Variants in CCSER1 observed in about 807,000 individuals in gnomAD.
The protein encoded by CCSER1 is serine-rich coiled-coil domain-containing protein 1.
Under a neutral mutation model 82.0 loss-of-function variants are expected in CCSER1, and 41 were observed. That is an observed-to-expected ratio of 0.50 (90% CI 0.39 to 0.65). CCSER1 has a LOEUF of 0.65. CCSER1 is among the 30% of genes least tolerant of loss of function. The pLI is 0.00. For synonymous variants in CCSER1, 414 were observed against 383.9 expected (o/e 1.08, Z -0.92); for missense variants, 1,119 against 1,064.2 (o/e 1.05, Z -0.72).
At chr4:90,975,408 C>A (rs1250320816) in intron 9 of CCSER1, among the ~76,000 whole-genome samples, 2 of 151,184 alleles carry the variant, frequency 1.3e-5, no homozygotes, top group African/African-American at 4.9e-5. Flanking sequence ...ATCTATTGTA[C>A]ATAAAAACTT....
At chr4:90,545,812 A>G (rs1776686179) in intron 5 of CCSER1, among the ~76,000 whole-genome samples, 1 of 152,158 alleles carries the variant, frequency 6.6e-6, no homozygotes, top group Admixed American at 6.6e-5. Context: ...TTTCCCTAAA[A>G]CATAGTTTCC....
At chr4:90,351,760 ATAAAATTTTTTGT>A (rs1161641816) in intron 3 of CCSER1, among the ~76,000 whole-genome samples, 3 of 152,302 alleles carry the variant, frequency 2.0e-5, no homozygotes, top group Non-Finnish European at 4.4e-5. Flanking sequence ...TTATCTTTGC[ATAAAATTTTTTGT>A]TTTTTGTCTA....
intron 10 of CCSER1, among the ~76,000 whole-genome samples, chr4:91,413,611 A>G (rs930527411): frequency 2.0e-5 from 3 of 152,280 alleles, no homozygotes; most frequent in African/African-American, 7.2e-5. Context: ...GAAGGAGAAA[A>G]GAGAAAAAGC....
intron 10 of CCSER1, among the ~76,000 whole-genome samples, chr4:91,307,473 T>C (rs1246076437): frequency 3.3e-5 from 5 of 151,992 alleles, no homozygotes; most frequent in South Asian, 4.1e-4. Flanking sequence ...TGTAAGCAAA[T>C]TTTTACAACT....
chr4:90,487,929 C>T (rs1002389930), intron 5 of CCSER1, among the ~76,000 whole-genome samples: 15 of 152,012 alleles, frequency 9.9e-5, no homozygotes, highest in African/African-American at 1.2e-4. Context: ...CATGAGCCAC[C>T]GCACCTGGCT....
chr4:91,234,103 C>A (rs1301098837), intron 10 of CCSER1, among the ~76,000 whole-genome samples: 1 of 151,848 alleles, frequency 6.6e-6, no homozygotes, highest in East Asian at 1.9e-4. Context: ...GAATGAAAAT[C>A]TAAACAAAAA....
At chr4:90,168,690 A>G (rs887871728) in intron 1 of CCSER1, among the ~76,000 whole-genome samples, 2 of 152,006 alleles carry the variant, frequency 1.3e-5, no homozygotes, top group Non-Finnish European at 2.9e-5. Flanking sequence ...AGCTTTCTAC[A>G]TATGGCTAGC....
At chr4:91,185,056 A>T (rs985951775) in intron 10 of CCSER1, among the ~76,000 whole-genome samples, 1 of 152,200 alleles carries the variant, frequency 6.6e-6, no homozygotes, top group African/African-American at 2.4e-5. Flanking sequence ...GTCCATGTGG[A>T]CAGCCAGTGC....
intron 9 of CCSER1, among the ~76,000 whole-genome samples, chr4:90,976,576 T>C (rs1223368697): frequency 6.6e-6 from 1 of 151,426 alleles, no homozygotes; most frequent in Admixed American, 6.6e-5. Flanking sequence ...CAAGATTGTG[T>C]AAATATTTTA....
chr4:90,699,325 C>T (rs377125177), intron 6 of CCSER1, among the ~76,000 whole-genome samples: 3 of 151,958 alleles, frequency 2.0e-5, no homozygotes, highest in South Asian at 4.2e-4. Flanking sequence ...ATTACTCCAG[C>T]GTGGTGGTAC....
intron 10 of CCSER1, among the ~76,000 whole-genome samples, chr4:91,419,742 A>G (rs1335592401): frequency 6.6e-6 from 1 of 152,070 alleles, no homozygotes; most frequent in African/African-American, 2.4e-5. Context: ...AATAATAGCC[A>G]AAGCAATCCT....
chr4:91,211,585 T>C (rs1040721875), intron 10 of CCSER1, among the ~76,000 whole-genome samples: 1 of 152,082 alleles, frequency 6.6e-6, no homozygotes, highest in Non-Finnish European at 1.5e-5. Flanking sequence ...ACAGTTTACA[T>C]TCTGTCAGTA....
chr4:90,627,990 A>G (rs1171511785), intron 5 of CCSER1, 35 bp from the exon 6 acceptor site: 3 of 1,518,996 alleles, frequency 2.0e-6, no homozygotes, highest in Non-Finnish European at 2.7e-6. Context: ...AGCATGCTGC[A>G]CTGTAATTTT....
chr4:90,791,081 A>C (rs1311691014), intron 7 of CCSER1, among the ~76,000 whole-genome samples: 1 of 152,150 alleles, frequency 6.6e-6, no homozygotes, highest in Non-Finnish European at 1.5e-5. Flanking sequence ...GGCAGAAAGC[A>C]CCTCTTCACA....
At chr4:90,386,840 A>G (rs77738892) in intron 3 of CCSER1, among the ~76,000 whole-genome samples, 2,685 of 152,280 alleles carry the variant, frequency 0.018, 43 homozygotes, top group Non-Finnish European at 0.027. Context: ...CCCAAATGAC[A>G]TCTTTAGAAA....
chr4:90,950,631 C>T (rs1218835535), intron 9 of CCSER1, among the ~76,000 whole-genome samples: 1 of 152,054 alleles, frequency 6.6e-6, no homozygotes. Flanking sequence ...TTTTGTGTAA[C>T]TATAGAGCCA....
intron 10 of CCSER1, among the ~76,000 whole-genome samples, chr4:91,326,282 G>T (rs1005225258): frequency 1.3e-5 from 2 of 152,146 alleles, no homozygotes; most frequent in Non-Finnish European, 2.9e-5. Flanking sequence ...TGTACAGAAA[G>T]CATGACTGGG....
At position 91,124,347 on chromosome 4, in the gene CCSER1, C is replaced by T. The variant is rs183904306; in HGVS notation, c.2217+38353C>T. Among the ~76,000 whole-genome samples, 433 of 151,764 alleles carry T rather than the reference C, an allele frequency of 2.9e-3. 1 individual carries two copies. The highest frequency in any genetic ancestry group is 9.4e-3 in the African/African-American group (391 of 41,488). On this transcript the variant is annotated intron_variant, in intron 10 of 10. Coordinates refer to ENST00000509176, the MANE Select transcript of CCSER1 (RefSeq NM_001145065.2). The stretch of plus-strand genomic sequence containing the variant: ...AAAAACTACATCTGATTTGAAAAAC[C>T]GATGCACATCTTTGGTTGAGACTCT...
chr4:90,645,592 TC>T (rs11340479), intron 6 of CCSER1, among the ~76,000 whole-genome samples: 31,419 of 152,188 alleles, frequency 0.21, 3,752 homozygotes, highest in Non-Finnish European at 0.28. Flanking sequence ...ATTATTTATT[TC>T]CTATTCAGGG....
Sources: gnomAD v4.1 joint callset for allele counts (sites outside exome capture counted in the v4.1 genomes callset) on GRCh38, gnomAD v4.1.1 for gene constraint, MANE v1.5 for transcripts, NCBI Gene and HGNC (gene_info 2026-07-23, HGNC 2026-07-21) for gene names.